ABCA13: variants seen among roughly 807,000 people sequenced by gnomAD.
The protein encoded by ABCA13 is ATP-binding cassette sub-family A member 13.
A neutral mutation model predicts 478.7 loss-of-function variants in ABCA13; 476 were observed. The observed-to-expected ratio is 0.99, with a 90% CI of 0.92 to 1.07. ABCA13 has a LOEUF of 1.07. Ranked by LOEUF, ABCA13 falls within the 50% of genes least tolerant of loss-of-function variation. The pLI, the probability that ABCA13 is intolerant of heterozygous loss-of-function variation, is 0.00. For missense variants in ABCA13, 6,060 were observed against 5,910.6 expected, an observed-to-expected ratio of 1.03 and a Z score of -0.83; for synonymous variants, 2,252 against 2,158.9, an observed-to-expected ratio of 1.04 and a Z score of -1.20.
chr7:48,368,031 C>T, intron 32 of ABCA13, 123 bp downstream of exon 32: 1 of 651,666 alleles, frequency 1.5e-6, no homozygotes, highest in Non-Finnish European at 2.6e-6. Flanking sequence ...TGCTGGGGTT[C>T]TGGTGTACAA....
At chr7:48,345,561 C>T (rs1807946062) in intron 29 of ABCA13, among the ~76,000 whole-genome samples, 2 of 152,032 alleles carry the variant, frequency 1.3e-5, no homozygotes, top group South Asian at 2.1e-4. Context: ...TAAAAACAAG[C>T]TAGCTCATAG....
intron 42 of ABCA13, among the ~76,000 whole-genome samples, chr7:48,435,916 C>T (rs1585311602): frequency 6.7e-6 from 1 of 149,326 alleles, no homozygotes; most frequent in Middle Eastern, 3.5e-3. Flanking sequence ...TTTGGTATGC[C>T]AGTATTTGTT....
At chr7:48,320,853 A>T (rs1364522490) in intron 27 of ABCA13, among the ~76,000 whole-genome samples, 1 of 152,186 alleles carries the variant, frequency 6.6e-6, no homozygotes, top group East Asian at 1.9e-4. Flanking sequence ...TAAAGGACAG[A>T]GCTTTGAACT....
At chr7:48,467,598 T>C (rs1296207487) in intron 44 of ABCA13, among the ~76,000 whole-genome samples, 1 of 152,152 alleles carries the variant, frequency 6.6e-6, no homozygotes, top group Middle Eastern at 3.2e-3. Flanking sequence ...TTCCCTCTTA[T>C]TTTGCTCAAT....
chr7:48,453,490 G>A (rs528033759), intron 42 of ABCA13, among the ~76,000 whole-genome samples: 2 of 152,214 alleles, frequency 1.3e-5, no homozygotes, highest in African/African-American at 4.8e-5. Flanking sequence ...AAAAATGGGT[G>A]TGCAGGTCTT....
intron 38 of ABCA13, among the ~76,000 whole-genome samples, chr7:48,394,478 A>G (rs1816544172): frequency 6.6e-6 from 1 of 152,190 alleles, no homozygotes; most frequent in Non-Finnish European, 1.5e-5. Context: ...CATTCTGTCC[A>G]GAACAACTTC....
intron 33 of ABCA13, 118 bp from the exon 34 acceptor site, chr7:48,374,229 G>T: frequency 1.2e-6 from 1 of 830,010 alleles, no homozygotes; most frequent in Non-Finnish European, 1.9e-6. Context: ...AGCGATGGTT[G>T]GGCGTCATCA....
intron 55 of ABCA13, among the ~76,000 whole-genome samples, chr7:48,570,569 C>T (rs768065777): frequency 1.1e-4 from 17 of 151,888 alleles, no homozygotes; most frequent in East Asian, 1.9e-4. Flanking sequence ...GTGATCCACC[C>T]GCCTCGGCCT....
intron 57 of ABCA13, among the ~76,000 whole-genome samples, chr7:48,589,204 G>C (rs1308378544): frequency 6.6e-6 from 1 of 152,176 alleles, no homozygotes; most frequent in African/African-American, 2.4e-5. Flanking sequence ...GAAGGAGAAA[G>C]CTTCAAGTTC....
intron 33 of ABCA13, among the ~76,000 whole-genome samples, chr7:48,373,068 G>A (rs150238156): frequency 6.6e-6 from 1 of 152,288 alleles, no homozygotes; most frequent in African/African-American, 2.4e-5. Flanking sequence ...CAATCAAAGC[G>A]AGGGTGAACC....
chr7:48,210,386 G>A (rs1785479598), intron 3 of ABCA13, among the ~76,000 whole-genome samples: 1 of 152,048 alleles, frequency 6.6e-6, no homozygotes, highest in Non-Finnish European at 1.5e-5. Context: ...GATTTTGGGT[G>A]GGGACATGGC....
chr7:48,287,007 C>T (rs992088936), intron 19 of ABCA13, among the ~76,000 whole-genome samples: 5 of 152,142 alleles, frequency 3.3e-5, no homozygotes, highest in African/African-American at 4.8e-5. Flanking sequence ...AAAATTTGCC[C>T]GTGGCAGGTC....
chr7:48,438,667 T>C (rs1257733839), intron 42 of ABCA13, among the ~76,000 whole-genome samples: 1 of 151,996 alleles, frequency 6.6e-6, no homozygotes, highest in Non-Finnish European at 1.5e-5. Context: ...ATCAAAATTT[T>C]ACCAGTTTCT....
chr7:48,493,335 CTTTCG>C (rs1334769117), intron 48 of ABCA13, among the ~76,000 whole-genome samples: 29 of 152,180 alleles, frequency 1.9e-4, no homozygotes, highest in Non-Finnish European at 3.4e-4. Context: ...GTACTTGCTT[CTTTCG>C]TTATTAGGAC....
chr7:48,579,930 AAAG>A (rs1788551123), intron 55 of ABCA13, among the ~76,000 whole-genome samples: 1 of 152,204 alleles, frequency 6.6e-6, no homozygotes, highest in African/African-American at 2.4e-5. Flanking sequence ...TTCCTTTTCA[AAAG>A]AAGACATTTA....
chr7:48,346,715 C>T (rs1174100009), intron 29 of ABCA13, among the ~76,000 whole-genome samples: 1 of 152,164 alleles, frequency 6.6e-6, no homozygotes, highest in East Asian at 1.9e-4. Flanking sequence ...TTACTTTTCA[C>T]AGCAATTTCA....
chr7:48,223,294 G>A (rs1787639841), intron 5 of ABCA13, among the ~76,000 whole-genome samples: 1 of 152,152 alleles, frequency 6.6e-6, no homozygotes. Flanking sequence ...GTTTGGAGCT[G>A]AGATAAACTC....
rs568652143 is a variant in ABCA13 at position 48,596,930 on chromosome 7, G to A, written c.14744+2117G>A. Reference sequence around the variant, plus strand: ...TGAATCATATAATCAGTAGTCTGCTGCATCTCTTTTTTTTATTTATCATAA... The same window carrying A: ...TGAATCATATAATCAGTAGTCTGCTACATCTCTTTTTTTTATTTATCATAA... On this transcript the variant is annotated intron_variant, in intron 58 of 61. Transcript: ENST00000435803. Among the ~76,000 whole-genome samples, 33 of 152,008 alleles carry A rather than the reference G, an allele frequency of 2.2e-4. No individual in the cohort carries two copies. The South Asian group carries it at 6.6e-3, about 31-fold the overall frequency.
chr7:48,617,509 G>C (rs1045609329), intron 59 of ABCA13, among the ~76,000 whole-genome samples: 4 of 152,140 alleles, frequency 2.6e-5, no homozygotes, highest in Non-Finnish European at 4.4e-5. Context: ...GCTTGGGCTG[G>C]GAGACATCTG....
Sources: gnomAD v4.1 joint callset for allele counts (sites outside exome capture counted in the v4.1 genomes callset) on GRCh38, gnomAD v4.1.1 for gene constraint, MANE v1.5 for transcripts, NCBI Gene and HGNC (gene_info 2026-07-23, HGNC 2026-07-21) for gene names.